The following THNSL1 variants were observed in gnomAD, a reference collection of about 807,000 sequenced individuals.
THNSL1 encodes the protein threonine synthase like 1.
A neutral mutation model predicts 50.4 loss-of-function variants in THNSL1; 48 were observed. That is an observed-to-expected ratio of 0.95 (90% confidence interval 0.76 to 1.21). THNSL1 has a LOEUF of 1.21. Ranked by LOEUF, THNSL1 falls within the 50% of genes most tolerant of loss-of-function variation. The pLI is 0.00. For synonymous variants in THNSL1, 309 were observed against 306.1 expected (o/e 1.01, Z -0.10); for missense variants, 896 against 871.7 (o/e 1.03, Z -0.35).
At chr10:24,967,947 T>C in the THNSL1 span, among the ~76,000 whole-genome samples, 2 of 151,050 alleles carry the variant, frequency 1.3e-5, no homozygotes, top group South Asian at 4.2e-4. Flanking sequence ...TATGTGTGTA[T>C]GTGTATGATG....
intron 2 of THNSL1, among the ~76,000 whole-genome samples, chr10:25,022,531 A>G (rs1011910008): frequency 1.3e-5 from 2 of 152,226 alleles, no homozygotes; most frequent in African/African-American, 4.8e-5. Flanking sequence ...ATGATTCTTA[A>G]TATGCGTGTA....
chr10:24,960,932 C>G, the THNSL1 span, among the ~76,000 whole-genome samples: 1 of 152,194 alleles, frequency 6.6e-6, no homozygotes, highest in South Asian at 2.1e-4. Flanking sequence ...CCTACACTCC[C>G]TTCCTCAGTT....
chr10:24,983,977 G>A, the THNSL1 span: 1 of 168,786 alleles, frequency 5.9e-6, no homozygotes, highest in Non-Finnish European at 1.3e-5. Context: ...TAGATAAGTA[G>A]AAAGGACCAA....
rs761700816 is a variant in THNSL1 at position 25,023,505 on chromosome 10, C to G, written c.282C>G (p.Thr94=). ...IDVDDDILEK[T]WNMSVSEKLQ... ...TGGATGATGATATCCTTGAAAAAAC[C>G]TGGAATATGAGTGTGTCTGAAAAAT... Residue 94 remains threonine (T), a synonymous_variant, in exon 3 of 3, where the codon ACC becomes ACG. Coordinates refer to ENST00000376356, the MANE Select transcript of THNSL1 (RefSeq NM_024838.5). 5 of 1,613,840 alleles carry G rather than the reference C, an allele frequency of 3.1e-6. No homozygotes were observed. In the African/African-American group the frequency reaches 4.0e-5, roughly 13 times the overall value.
Position 25,025,423 on chromosome 10 carries a change from G to T in THNSL1, c.2200G>T (p.Val734Leu), listed in dbSNP as rs755544612. 14 of 1,610,378 alleles carry T rather than the reference G, an allele frequency of 8.7e-6. No individual in the cohort carries two copies. In the African/African-American group the frequency reaches 1.2e-4, roughly 14 times the overall value. ...TGATATGAATGTCTTGAAGAGTCAT[G>T]TGGAACAACTTGTCCAAAATCAATT... The part of the protein sequence containing the change: ...AADMNVLKSH[V>L]EQLVQNQFI Residue 734 changes from valine (V) to leucine (L), a missense_variant, in exon 3 of 3, where the codon GTG becomes TTG. Val to Leu is a conservative substitution (Grantham distance 32). Transcript: ENST00000376356.
chr10:24,961,157 G>C, the THNSL1 span, among the ~76,000 whole-genome samples: 1 of 152,204 alleles, frequency 6.6e-6, no homozygotes, highest in Non-Finnish European at 1.5e-5. Context: ...CCAGTTTTGT[G>C]ATTCTGGAAA....
chr10:24,954,972 G>C, the THNSL1 span, among the ~76,000 whole-genome samples: 1 of 152,116 alleles, frequency 6.6e-6, no homozygotes, highest in East Asian at 1.9e-4. Flanking sequence ...GTATTAGTCT[G>C]TTCTCATATT....
rs1240912382 is a variant in THNSL1, at chr10:25,024,854, T to G, written c.1631T>G (p.Ile544Arg). The G allele has an allele frequency of 6.2e-7, 1 of 1,614,102 alleles. No homozygotes were observed. The highest frequency in any genetic ancestry group is 1.7e-5 in the Admixed American group (1 of 60,026). The change falls in exon 3 of 3, where the codon ATA (isoleucine) becomes AGA (arginine). Residue 544 changes from isoleucine (I) to arginine (R), a missense_variant. Physicochemically the swap from Ile to Arg is moderately conservative, Grantham distance 97. Transcript: ENST00000376356. ...CAGAACCATGTTTTGACTGATTTTA[T>G]AAAAACAGGACATTATGATCTAAGG... Reference protein sequence around the residue: ...SNQNHVLTDFIKTGHYDLRER... With the variant: ...SNQNHVLTDFRKTGHYDLRER...
At chr10:24,994,071 G>T in the THNSL1 span, among the ~76,000 whole-genome samples, 2 of 152,166 alleles carry the variant, frequency 1.3e-5, no homozygotes, top group African/African-American at 4.8e-5. Flanking sequence ...GGAACTCCTA[G>T]ATTCCTGAGA....
Position 25,024,903 on chromosome 10 carries a change from T to G in THNSL1, c.1680T>G (p.Phe560Leu), listed in dbSNP as rs766950827. ...DLRERKLAQT[F>L]SPSIDILKSS... ...GGGAAAGAAAACTAGCACAAACCTT[T>G]TCACCGTCAATAGATATTCTCAAAT... The change falls in exon 3 of 3, where the codon TTT becomes TTG. Residue 560 changes from phenylalanine to leucine, a missense_variant. Transcript: ENST00000376356. 1 of 1,613,844 alleles carries G rather than the reference T, an allele frequency of 6.2e-7. No individual in the cohort carries two copies. Among genetic ancestry groups the G allele is most frequent in the East Asian group, 2.2e-5 (1 of 44,874 alleles).
chr10:25,013,343 T>C (rs1182823418), upstream of THNSL1, among the ~76,000 whole-genome samples: 4 of 152,214 alleles, frequency 2.6e-5, no homozygotes, highest in South Asian at 6.2e-4. Flanking sequence ...GTATAAAAGA[T>C]TCAAATGCAA....
At chr10:24,962,733 G>A in the THNSL1 span, among the ~76,000 whole-genome samples, 1 of 152,150 alleles carries the variant, frequency 6.6e-6, no homozygotes, top group South Asian at 2.1e-4. Flanking sequence ...TCTTGCCTTA[G>A]AACTCACTTT....
the THNSL1 span, among the ~76,000 whole-genome samples, chr10:24,976,429 G>A: frequency 6.6e-6 from 1 of 152,110 alleles, no homozygotes; most frequent in African/African-American, 2.4e-5. Context: ...AAAATTTGCA[G>A]CCTAACTCGT....
chr10:25,001,518 T>C, the THNSL1 span, among the ~76,000 whole-genome samples: 1 of 152,164 alleles, frequency 6.6e-6, no homozygotes, highest in Non-Finnish European at 1.5e-5. Context: ...GACTGCTTGA[T>C]ATTGTTCAAG....
chr10:24,964,927 G>A, the THNSL1 span, among the ~76,000 whole-genome samples: 2 of 152,250 alleles, frequency 1.3e-5, no homozygotes, highest in Non-Finnish European at 2.9e-5. Context: ...GCTGGTCATG[G>A]TGGTGCACAC....
chr10:24,963,445 A>C, the THNSL1 span, among the ~76,000 whole-genome samples: 1 of 152,242 alleles, frequency 6.6e-6, no homozygotes, highest in Non-Finnish European at 1.5e-5. Context: ...TTGCCTAATC[A>C]ACTGGGTTGA....
At chr10:24,984,105 A>G in the THNSL1 span, 2 of 394,566 alleles carry the variant, frequency 5.1e-6, no homozygotes, top group Non-Finnish European at 9.0e-6. Flanking sequence ...TGATGCCTTT[A>G]TAAGTTGTCA....
In THNSL1 at chr10:25,025,716, CA is replaced by C; in HGVS notation, c.*263del. On this transcript the variant is annotated 3_prime_UTR_variant, in exon 3 of 3. Coordinates refer to ENST00000376356, the MANE Select transcript of THNSL1 (RefSeq NM_024838.5). ...TGCCTTCTGCTCATGAGGGGTGTATCAATTTCCACTCCCACACCCTCACTGT... is the reference window on the plus strand; with the variant it reads ...TGCCTTCTGCTCATGAGGGGTGTATCATTTCCACTCCCACACCCTCACTGT... The C allele has an allele frequency of 2.5e-6, 1 of 393,136 alleles. No homozygotes were observed. The highest frequency in any genetic ancestry group is 4.8e-6 in the Non-Finnish European group (1 of 210,444). 24.4% of individuals were successfully genotyped at this position (393,136 alleles called of 1,614,324 possible).
At chr10:25,012,168 C>T (rs1767570071), upstream of THNSL1, among the ~76,000 whole-genome samples, 1 of 152,258 alleles carries the variant, frequency 6.6e-6, no homozygotes, top group Non-Finnish European at 1.5e-5. Flanking sequence ...GTTTGGGAAC[C>T]TCCACCTAGA....
Sources: gnomAD v4.1 joint callset for allele counts (sites outside exome capture counted in the v4.1 genomes callset) on GRCh38, gnomAD v4.1.1 for gene constraint, MANE v1.5 for transcripts, NCBI Gene and HGNC (gene_info 2026-07-23, HGNC 2026-07-21) for gene names.